MARCHF1: variants seen among roughly 807,000 people sequenced by gnomAD.
MARCHF1 encodes the protein E3 ubiquitin-protein ligase MARCHF1.
A neutral mutation model predicts 54.2 loss-of-function variants in MARCHF1; 40 were observed. The ratio of observed to expected loss-of-function variants is 0.74; its 90% confidence interval spans 0.57 to 0.96. The LOEUF is 0.96. Among genes scored for constraint, MARCHF1 ranks in the 40% least tolerant of loss-of-function variants. MARCHF1 has a pLI of 0.00. For synonymous variants in MARCHF1, 236 were observed against 236.3 expected, an observed-to-expected ratio of 1.00 and a Z score of 0.01; for missense variants, 586 against 656.5, an observed-to-expected ratio of 0.89 and a Z score of 1.17.
intron 1 of MARCHF1, among the ~76,000 whole-genome samples, chr4:164,157,665 T>C (rs747717143): frequency 6.6e-6 from 1 of 152,104 alleles, no homozygotes; most frequent in Admixed American, 6.6e-5. Flanking sequence ...TCTGTGCAAG[T>C]CCAGTCTCTG....
chr4:163,718,466 AT>A (rs1745334866), intron 4 of MARCHF1, among the ~76,000 whole-genome samples: 2 of 152,218 alleles, frequency 1.3e-5, no homozygotes, highest in South Asian at 2.1e-4. Flanking sequence ...AGAAAAAAAC[AT>A]TTATTTTAAT....
At chr4:164,017,118 A>G (rs956831348) in intron 2 of MARCHF1, among the ~76,000 whole-genome samples, 3 of 152,024 alleles carry the variant, frequency 2.0e-5, no homozygotes, top group African/African-American at 4.8e-5. Flanking sequence ...AAATTAATGT[A>G]TTCCTTTATA....
At chr4:164,307,839 A>G (rs1026119938) in intron 1 of MARCHF1, among the ~76,000 whole-genome samples, 24 of 152,248 alleles carry the variant, frequency 1.6e-4, no homozygotes, top group Admixed American at 1.6e-3. Context: ...CAGGTAAGCC[A>G]TAAGATGGCT....
intron 5 of MARCHF1, among the ~76,000 whole-genome samples, chr4:163,658,970 G>GAA (rs553108860): frequency 3.6e-4 from 54 of 148,666 alleles, no homozygotes; most frequent in African/African-American, 1.2e-3. Flanking sequence ...ATCAAGAAAA[G>GAA]AAAAAAAAAT....
intron 1 of MARCHF1, among the ~76,000 whole-genome samples, chr4:164,325,766 A>T (rs960930213): frequency 6.6e-6 from 1 of 152,106 alleles, no homozygotes; most frequent in Non-Finnish European, 1.5e-5. Flanking sequence ...TGCTCAAGAA[A>T]GAAAACCTAA....
chr4:164,266,041 C>T (rs1396002725), intron 1 of MARCHF1, among the ~76,000 whole-genome samples: 1 of 152,118 alleles, frequency 6.6e-6, no homozygotes, highest in African/African-American at 2.4e-5. Context: ...TCGCTCCTGC[C>T]ACAGTCAGAA....
intron 7 of MARCHF1, among the ~76,000 whole-genome samples, chr4:163,610,590 C>A (rs1473241658): frequency 6.6e-6 from 1 of 152,074 alleles, no homozygotes; most frequent in East Asian, 1.9e-4. Flanking sequence ...GGAATGACAA[C>A]AGATGGTTGC....
chr4:163,580,229 C>T lies in MARCHF1; in HGVS notation c.1191+5520G>A, dbSNP rs113363585. Among the ~76,000 whole-genome samples, 59 of 152,104 alleles carry T rather than the reference C, an allele frequency of 3.9e-4. 1 individual carries two copies. The highest frequency in any genetic ancestry group is 1.4e-3 in the African/African-American group (57 of 41,484). On this transcript the variant is annotated intron_variant, in intron 8 of 9. Coordinates refer to ENST00000514618, the MANE Select transcript of MARCHF1 (RefSeq NM_001394959.1). The stretch of plus-strand genomic sequence containing the variant: ...AAGTAGCTGGGATTACAGCCACTCA[C>T]CACCACACCCAGGTAATTTTTTGTA...
At chr4:163,619,029 A>T (rs1324605558) in intron 5 of MARCHF1, among the ~76,000 whole-genome samples, 1 of 152,170 alleles carries the variant, frequency 6.6e-6, no homozygotes, top group African/African-American at 2.4e-5. Context: ...AACACAGAGT[A>T]GAGAGAAGAC....
intron 3 of MARCHF1, among the ~76,000 whole-genome samples, chr4:163,928,298 C>T (rs1295430961): frequency 6.6e-6 from 1 of 151,796 alleles, no homozygotes; most frequent in Non-Finnish European, 1.5e-5. Flanking sequence ...CAACATAGTG[C>T]CTTTGATTGA....
At chr4:163,938,892 G>A (rs1258835001) in intron 3 of MARCHF1, among the ~76,000 whole-genome samples, 2 of 151,994 alleles carry the variant, frequency 1.3e-5, no homozygotes, top group African/African-American at 2.4e-5. Context: ...ACAGAATAGG[G>A]GAAACCTACA....
At chr4:163,935,244 A>G (rs1048319281) in intron 3 of MARCHF1, among the ~76,000 whole-genome samples, 1 of 152,170 alleles carries the variant, frequency 6.6e-6, no homozygotes, top group Non-Finnish European at 1.5e-5. Flanking sequence ...CAGCTGCATT[A>G]TCCTCTAACA....
intron 8 of MARCHF1, among the ~76,000 whole-genome samples, chr4:163,579,240 T>C (rs1711546524): frequency 6.6e-6 from 1 of 152,228 alleles, no homozygotes; most frequent in African/African-American, 2.4e-5. Context: ...TGTAATCTAT[T>C]CACACTGCAA....
Position 163,825,194 on chromosome 4 carries a change from T to C in MARCHF1, c.111+28827A>G, listed in dbSNP as rs546767022. ...CACTTATAAGTGAGAACATGCTGCG[T>C]TTGGTTTTCTGTTCCTGGGTTAGTT... On this transcript the variant is annotated intron_variant, in intron 4 of 9. Transcript: ENST00000514618. 2.0e-5 allele frequency among the ~76,000 whole-genome samples: 3 copies of C among 152,132 alleles called. No individual in the cohort carries two copies. In the East Asian group the frequency reaches 5.8e-4, roughly 29 times the overall value.
intron 1 of MARCHF1, among the ~76,000 whole-genome samples, chr4:164,146,113 A>G (rs1458918639): frequency 1.3e-4 from 16 of 121,298 alleles, no homozygotes; most frequent in African/African-American, 5.4e-4. Flanking sequence ...TCCAACTTAC[A>G]AGGGATGTGA....
At chr4:164,007,586 A>G (rs185458952) in intron 2 of MARCHF1, among the ~76,000 whole-genome samples, 15 of 151,870 alleles carry the variant, frequency 9.9e-5, no homozygotes, top group Middle Eastern at 3.4e-3. Context: ...GAGACAAGCA[A>G]AAGTCAAAAT....
intron 8 of MARCHF1, among the ~76,000 whole-genome samples, chr4:163,554,204 A>C (rs1210926662): frequency 6.6e-6 from 1 of 152,212 alleles, no homozygotes; most frequent in Admixed American, 6.5e-5. Flanking sequence ...CATTTATTTA[A>C]AGTAATAGTA....
At chr4:163,974,995 T>A (rs948104387) in intron 3 of MARCHF1, among the ~76,000 whole-genome samples, 22 of 152,216 alleles carry the variant, frequency 1.4e-4, no homozygotes, top group Non-Finnish European at 2.1e-4. Flanking sequence ...ATCTGGGACA[T>A]AGGATTTTTT....
intron 3 of MARCHF1, among the ~76,000 whole-genome samples, chr4:163,890,510 A>G (rs1348637034): frequency 6.6e-6 from 1 of 152,134 alleles, no homozygotes; most frequent in Non-Finnish European, 1.5e-5. Context: ...CTTTGGGCAA[A>G]TAACTTGATC....
Sources: gnomAD v4.1 joint callset for allele counts (sites outside exome capture counted in the v4.1 genomes callset) on GRCh38, gnomAD v4.1.1 for gene constraint, MANE v1.5 for transcripts, NCBI Gene and HGNC (gene_info 2026-07-23, HGNC 2026-07-21) for gene names.